CRTC3: variants seen among roughly 807,000 people sequenced by gnomAD.
The protein encoded by CRTC3 is CREB-regulated transcription coactivator 3.
CRTC3 carries 26 observed loss-of-function variants against 74.5 expected under a neutral mutation model. That is an observed-to-expected ratio of 0.35 (90% CI 0.26 to 0.48). CRTC3 has a LOEUF of 0.48. Among genes scored for constraint, CRTC3 ranks in the 20% least tolerant of loss-of-function variants. CRTC3 has a pLI of 0.99. For synonymous variants in CRTC3, 377 were observed against 325.8 expected (o/e 1.16, Z -1.69); for missense variants, 760 against 787.3 (o/e 0.97, Z 0.41).
Position 90,638,651 on chromosome 15 carries a change from G to T in CRTC3, c.1467+5G>T, listed in dbSNP as rs1214266014. The T allele has an allele frequency of 1.2e-6, 2 of 1,613,864 alleles. No homozygotes were observed. Among genetic ancestry groups the T allele is most frequent in the Middle Eastern group, 1.6e-4 (1 of 6,062 alleles). On this transcript the variant is annotated splice_donor_5th_base_variant and intron_variant, in intron 12 of 14. Transcript: ENST00000268184. ...TTTCAGCTTCTCCCGGCCCAGGTGA[G>T]TTCTGGCAGGAGCGTTGGTGCAGAG... is the stretch of plus-strand genomic sequence containing the variant.
chr15:90,582,255 A>G (rs11635448), intron 2 of CRTC3, among the ~76,000 whole-genome samples: 121,005 of 152,142 alleles, frequency 0.8, 48,329 homozygotes, highest in South Asian at 0.87. Context: ...TCACCACCCA[A>G]AGATATCACA....
chr15:90,605,429 A>G (rs1419370328), intron 5 of CRTC3, among the ~76,000 whole-genome samples: 1 of 152,154 alleles, frequency 6.6e-6, no homozygotes, highest in East Asian at 1.9e-4. Context: ...TGTACCTTGA[A>G]ATGTCTCCAG....
At chr15:90,621,030 C>T (rs1041073922) in intron 9 of CRTC3, among the ~76,000 whole-genome samples, 1 of 152,126 alleles carries the variant, frequency 6.6e-6, no homozygotes, top group African/African-American at 2.4e-5. Context: ...GCAAGCCTGC[C>T]AGGACGCATG....
intron 10 of CRTC3, among the ~76,000 whole-genome samples, chr15:90,627,074 C>T (rs941648659): frequency 6.6e-6 from 1 of 152,234 alleles, no homozygotes; most frequent in Non-Finnish European, 1.5e-5. Flanking sequence ...TGCTGCCTTT[C>T]ACTCTGAGAC....
chr15:90,618,073 GAGA>G (rs1194367126), intron 8 of CRTC3, 105 bp downstream of exon 8: 14 of 695,134 alleles, frequency 2.0e-5, no homozygotes, highest in African/African-American at 5.4e-5. Context: ...GGGGGAAAAG[GAGA>G]AGATTTGTCT....
intron 3 of CRTC3, chr15:90,595,491 G>T (rs1259339910): frequency 1.3e-5 from 2 of 151,444 alleles, no homozygotes; most frequent in African/African-American, 4.9e-5. Flanking sequence ...AACCCGGGAG[G>T]TGGAGCTTGC....
chr15:90,615,626 C>T (rs1431946177), intron 7 of CRTC3, among the ~76,000 whole-genome samples: 1 of 152,196 alleles, frequency 6.6e-6, no homozygotes, highest in Non-Finnish European at 1.5e-5. Context: ...TCCTTCAGTG[C>T]TTCGAAGAAT....
intron 2 of CRTC3, among the ~76,000 whole-genome samples, chr15:90,563,339 G>A (rs936785181): frequency 6.6e-6 from 1 of 152,146 alleles, no homozygotes; most frequent in African/African-American, 2.4e-5. Flanking sequence ...CGAGGAGGCG[G>A]AAGTTGCAGT....
intron 2 of CRTC3, among the ~76,000 whole-genome samples, chr15:90,588,300 A>T (rs1324431897): frequency 1.3e-5 from 2 of 151,358 alleles, no homozygotes; most frequent in African/African-American, 4.8e-5. Context: ...TCTCTATTTC[A>T]TTCAGTCTCT....
intron 2 of CRTC3, among the ~76,000 whole-genome samples, chr15:90,544,991 A>G (rs1347387420): frequency 6.6e-6 from 1 of 152,334 alleles, no homozygotes; most frequent in Middle Eastern, 3.4e-3. Flanking sequence ...TGCCCATTCA[A>G]TAAGAATTCT....
At chr15:90,554,415 C>A (rs558101972) in intron 2 of CRTC3, among the ~76,000 whole-genome samples, 6 of 152,258 alleles carry the variant, frequency 3.9e-5, no homozygotes, top group African/African-American at 1.4e-4. Flanking sequence ...GTTGGCCAGG[C>A]TAGTCTCGAT....
chr15:90,577,721 T>G (rs2151072070), intron 2 of CRTC3, among the ~76,000 whole-genome samples: 1 of 152,254 alleles, frequency 6.6e-6, no homozygotes, highest in South Asian at 2.1e-4. Flanking sequence ...ATCCTATCAT[T>G]TACAGCAACA....
At position 90,642,013 on chromosome 15, in the gene CRTC3, C is replaced by T; in HGVS notation, c.1733C>T (p.Pro578Leu). ...LPEVSLNVDT[P>L]FPLEEELQIE... ...GAGGTCAGCCTGAACGTGGACACTC[C>T]ATTTCCACTGGAAGAGGAGCTGCAG... Residue 578 changes from proline (P) to leucine (L), a missense_variant, in exon 15 of 15, where the codon CCA (proline) becomes CTA (leucine). Coordinates refer to ENST00000268184, the MANE Select transcript of CRTC3 (RefSeq NM_022769.5). 6.2e-7 allele frequency: 1 copy of T among 1,613,954 alleles called. No individual in the cohort carries two copies. The highest frequency in any genetic ancestry group is 8.5e-7 in the Non-Finnish European group (1 of 1,180,010).
intron 11 of CRTC3, among the ~76,000 whole-genome samples, chr15:90,635,410 C>G (rs569650499): frequency 6.6e-6 from 1 of 151,998 alleles, no homozygotes; most frequent in East Asian, 1.9e-4. Flanking sequence ...TTTGGGAGGC[C>G]GAGGCGGGTG....
chr15:90,571,257 G>C (rs1194997901), intron 2 of CRTC3, among the ~76,000 whole-genome samples: 1 of 152,178 alleles, frequency 6.6e-6, no homozygotes, highest in Non-Finnish European at 1.5e-5. Context: ...GAGGAGTTCA[G>C]AGAGTGGCTG....
At chr15:90,543,421 C>G (rs1001385431) in intron 2 of CRTC3, among the ~76,000 whole-genome samples, 1 of 151,312 alleles carries the variant, frequency 6.6e-6, no homozygotes, top group Non-Finnish European at 1.5e-5. Context: ...CTTCATTAAA[C>G]TTTCAATCTA....
chr15:90,627,057 C>A (rs1466692083), intron 10 of CRTC3, among the ~76,000 whole-genome samples: 1 of 152,212 alleles, frequency 6.6e-6, no homozygotes, highest in Non-Finnish European at 1.5e-5. Flanking sequence ...CAGGTGAAAG[C>A]AGTGTTTGCT....
At chr15:90,604,122 C>T (rs1968155283) in intron 4 of CRTC3, 2 of 365,700 alleles carry the variant, frequency 5.5e-6, no homozygotes, top group East Asian at 9.0e-5. Context: ...AACTCCTCAT[C>T]TGCCCAGCTA....
chr15:90,628,911 C>T (rs546101655), intron 10 of CRTC3, among the ~76,000 whole-genome samples: 3 of 152,238 alleles, frequency 2.0e-5, no homozygotes, highest in East Asian at 3.9e-4. Context: ...GGGTCCTTTC[C>T]CTGGGTCTGG....
Sources: allele counts gnomAD v4.1 joint callset (sites outside exome capture counted in the v4.1 genomes callset), GRCh38; gene constraint gnomAD v4.1.1; transcripts MANE v1.5; gene names NCBI Gene and HGNC (gene_info 2026-07-23, HGNC 2026-07-21).